GNAS: variants seen among roughly 807,000 people sequenced by gnomAD.
The protein encoded by GNAS is GNAS complex locus.
A neutral mutation model predicts 54.5 loss-of-function variants in GNAS; 8 were observed. That is an observed-to-expected ratio of 0.15 (90% CI 0.09 to 0.26). GNAS has a LOEUF of 0.26. GNAS is among the 10% of genes least tolerant of loss of function. The probability of loss-of-function intolerance (pLI) is 1.00; values close to 1 mark genes in which losing one functional copy is unlikely to be tolerated. For synonymous variants in GNAS, 204 were observed against 191.4 expected (o/e 1.07, Z -0.54); for missense variants, 170 against 529.8 (o/e 0.32, Z 6.67).
chr20:58,898,632 C>T (rs535975283), intron 2 of GNAS: 3 of 505,112 alleles, frequency 5.9e-6, no homozygotes, highest in Admixed American at 3.2e-5. Flanking sequence ...CTCCCTAATG[C>T]GTGTACGTTT....
chr20:58,885,128 T>G (rs2088501051), intron 1 of GNAS: 1 of 152,244 alleles, frequency 6.6e-6, no homozygotes, highest in Non-Finnish European at 1.5e-5. Flanking sequence ...ATGGTGGTTT[T>G]GTTAAAAGTC....
At chr20:58,898,824 G>A (rs990081353) in intron 2 of GNAS, 117 bp from the exon 3 acceptor site, 20 of 922,116 alleles carry the variant, frequency 2.2e-5, no homozygotes, top group Non-Finnish European at 2.9e-5. Flanking sequence ...TGGCTGGCGC[G>A]CGAATTGTTG....
intron 1 of GNAS, chr20:58,848,880 T>C (rs2086045415): frequency 2.5e-6 from 1 of 398,472 alleles, no homozygotes; most frequent in South Asian, 1.3e-4. Context: ...TCCACTCACC[T>C]AAAGGACTTA....
Position 58,853,919 on chromosome 20 carries a change from T to C in GNAS, c.43+13033T>C, listed in dbSNP as rs2086294841. The stretch of plus-strand genomic sequence containing the variant: ...CTGGCTCCAGAGGAGGCTACAGCCC[T>C]CCCCCTGAGGAGACTATGCCATTTG... On this transcript the variant is annotated intron_variant, in intron 1 of 12. Coordinates refer to the GNAS transcript ENST00000306090. The surrounding 1 kb of genome is among the most constrained non-coding windows in gnomAD (Gnocchi z 4.4). 1.2e-6 allele frequency: 2 copies of C among 1,609,234 alleles called. No homozygotes were observed. Among genetic ancestry groups the C allele is most frequent in the Non-Finnish European group, 1.7e-6 (2 of 1,178,206 alleles).
chr20:58,899,949 A>T (rs1251714964), intron 3 of GNAS: 2 of 717,912 alleles, frequency 2.8e-6, no homozygotes, highest in Admixed American at 2.0e-5. Context: ...TTTCTTTTAG[A>T]ATATAATATC....
At position 58,910,360 on chromosome 20, in the gene GNAS, C is replaced by T. The variant is rs755974022; in HGVS notation, c.997C>T (p.Arg333Cys). ...TACTCCCGAGCCCGGAGAGGACCCA[C>T]GCGTGACCCGGGCCAAGTACTTCAT... ...DATPEPGEDPRVTRAKYFIRD... is the reference protein window; with the variant it reads ...DATPEPGEDPCVTRAKYFIRD... Residue 333 changes from arginine to cysteine, a missense_variant, in exon 12 of 13, where the codon CGC becomes TGC. Arg to Cys is a radical substitution (Grantham distance 180). Around this residue, in one of 3 missense-constraint regions of GNAS, gnomAD observed 36 missense variants for 223.0 expected, o/e 0.16. Transcript: ENST00000371085. The surrounding 1 kb of genome is among the most constrained non-coding windows in gnomAD (Gnocchi z 5.8). The T allele has an allele frequency of 1.9e-6, 3 of 1,612,334 alleles. No individual in the cohort carries two copies. The highest frequency in any genetic ancestry group is 1.7e-5 in the Admixed American group (1 of 60,014).
chr20:58,889,952 C>A (rs2088974871), upstream of GNAS, among the ~76,000 whole-genome samples: 1 of 151,182 alleles, frequency 6.6e-6, no homozygotes, highest in African/African-American at 2.4e-5. Flanking sequence ...CGGCGGCTGC[C>A]GAGGTGGCTG....
At chr20:58,865,482 TATA>T (rs1487990234) in intron 1 of GNAS, among the ~76,000 whole-genome samples, 6 of 147,902 alleles carry the variant, frequency 4.1e-5, no homozygotes, top group African/African-American at 1.5e-4. Flanking sequence ...ACAAAATATA[TATA>T]ATATGATATA....
chr20:58,865,003 A>G (rs1311064388), intron 1 of GNAS, among the ~76,000 whole-genome samples: 2 of 151,808 alleles, frequency 1.3e-5, no homozygotes, highest in Non-Finnish European at 2.9e-5. Context: ...TGACAACCAA[A>G]ACTGTTTCTA....
At chr20:58,854,870 C>A in intron 1 of GNAS, 1 of 1,595,746 alleles carries the variant, frequency 6.3e-7, no homozygotes, top group Non-Finnish European at 8.5e-7. Flanking sequence ...GCCCCGAGAT[C>A]CAGGCTGCCG....
intron 1 of GNAS, 126 bp from the exon 2 acceptor site, chr20:58,895,486 C>T (rs2089957595): frequency 1.4e-6 from 1 of 716,702 alleles, no homozygotes; most frequent in African/African-American, 1.7e-5. Context: ...AGTTGCAAGT[C>T]TGTGATTTTG....
upstream of GNAS, chr20:58,889,155 G>T: frequency 8.2e-7 from 1 of 1,215,396 alleles, no homozygotes; most frequent in South Asian, 1.4e-5. Context: ...CCGGTTAGAA[G>T]CTCTGCTCCC....
rs2089323106 is a variant in GNAS at position 58,891,584 on chromosome 20, C to T, written c.-143C>T. 6.2e-6 allele frequency: 6 copies of T among 971,810 alleles called. No homozygotes were observed. Among genetic ancestry groups the T allele is most frequent in the Non-Finnish European group, 7.3e-6 (6 of 822,150 alleles). 60.2% of individuals were successfully genotyped at this position (971,810 alleles called of 1,614,324 possible). A position where few individuals can be genotyped will look rare whatever the true frequency, so the allele number is the denominator to read the frequency against. ...GCCCCGCGGCCCGCGGCCCGCAGTC[C>T]GCCCCGCGCGCTCCTTGCCGAGGAG... On this transcript the variant is annotated 5_prime_UTR_variant, in exon 1 of 13. Coordinates refer to ENST00000371085, the MANE Select transcript of GNAS (RefSeq NM_000516.7).
upstream of GNAS, among the ~76,000 whole-genome samples, chr20:58,890,973 C>T (rs1049364929): frequency 1.3e-5 from 2 of 151,542 alleles, no homozygotes; most frequent in African/African-American, 2.4e-5. Context: ...CCCACCCCAG[C>T]CCCTCGGCGG....
In GNAS at chr20:58,841,597, A is replaced by G; in HGVS notation, c.43+711A>G. Reference sequence around the variant, plus strand: ...GCTCGCGGGACAGAGACCGCCTCAAAGAGCGTGCGCACCTGCCCGCGCGCG... The same window carrying G: ...GCTCGCGGGACAGAGACCGCCTCAAGGAGCGTGCGCACCTGCCCGCGCGCG... On this transcript the variant is annotated intron_variant, in intron 1 of 12. Coordinates refer to the GNAS transcript ENST00000306090. The surrounding 1 kb of genome is among the most constrained non-coding windows in gnomAD (Gnocchi z 5.0). The G allele has an allele frequency of 9.8e-7, 1 of 1,023,012 alleles. No individual in the cohort carries two copies. Among genetic ancestry groups the G allele is most frequent in the African/African-American group, 1.7e-5 (1 of 58,926 alleles). The allele number at this position is 1,023,012 out of a possible 1,614,324, so 63.4% of individuals were successfully genotyped here.
upstream of GNAS, chr20:58,889,248 G>A (rs1169965798): frequency 2.2e-5 from 25 of 1,116,586 alleles, no homozygotes; most frequent in Non-Finnish European, 2.4e-5. Context: ...CTGCTCTCTG[G>A]CTCCGGGCTG....
chr20:58,840,784 C>T (rs759229542), upstream of GNAS: 1 of 1,611,174 alleles, frequency 6.2e-7, no homozygotes, highest in East Asian at 2.2e-5. This position sits in a 1 kb window ranked among gnomAD's most constrained non-coding sequence, Gnocchi z 6.0. Flanking sequence ...AGCCCACCCG[C>T]CGTGACGCGT....
rs1305941002 is a variant in GNAS, at chr20:58,841,228, C to T, written c.43+342C>T. The T allele has an allele frequency of 2.6e-6, 2 of 781,420 alleles. No individual in the cohort carries two copies. Among genetic ancestry groups the T allele is most frequent in the African/African-American group, 3.6e-5 (2 of 55,388 alleles). 48.4% of individuals were successfully genotyped at this position (781,420 alleles called of 1,614,324 possible). ...GCACACCCAAACGGCATTGGTAAGT[C>T]ACTTGTTTTGCGCGCTTTTCTTCCT... On this transcript the variant is annotated intron_variant, in intron 1 of 12. Transcript: ENST00000306090. The surrounding 1 kb of genome is among the most constrained non-coding windows in gnomAD (Gnocchi z 5.0).
chr20:58,895,388 CTTGT>C (rs1350179595), intron 1 of GNAS: 186 of 543,528 alleles, frequency 3.4e-4, no homozygotes, highest in Non-Finnish European at 3.4e-4. Flanking sequence ...ACCTTAAATT[CTTGT>C]TTGTTATTTG....
Sources: allele counts gnomAD v4.1 joint callset (sites outside exome capture counted in the v4.1 genomes callset), GRCh38; gene constraint gnomAD v4.1.1; regional missense constraint gnomAD v4.1.1; non-coding constraint Gnocchi (gnomAD v3.1); transcripts MANE v1.5; gene names NCBI Gene and HGNC (gene_info 2026-07-23, HGNC 2026-07-21).